The following GDPD5 variants were observed in gnomAD, a reference collection of about 807,000 sequenced individuals.
The protein encoded by GDPD5 is glycerophosphodiester phosphodiesterase 2.
Under a neutral mutation model 75.1 loss-of-function variants are expected in GDPD5, and 48 were observed. The ratio of observed to expected loss-of-function variants is 0.64; its 90% CI spans 0.51 to 0.81. GDPD5 has a LOEUF of 0.81. GDPD5 is among the 40% of genes least tolerant of loss of function. GDPD5 has a pLI of 0.00. For synonymous variants in GDPD5, 336 were observed against 339.0 expected (o/e 0.99, Z 0.10); for missense variants, 706 against 822.6 (o/e 0.86, Z 1.73).
chr11:75,497,308 G>A (rs1189517119), intron 1 of GDPD5, among the ~76,000 whole-genome samples: 2 of 152,110 alleles, frequency 1.3e-5, no homozygotes, highest in Non-Finnish European at 2.9e-5. Flanking sequence ...AACAAAGGTG[G>A]CAGGACGCGT....
chr11:75,484,275 T>C (rs1949977906), intron 2 of GDPD5, among the ~76,000 whole-genome samples: 1 of 152,166 alleles, frequency 6.6e-6, no homozygotes, highest in Non-Finnish European at 1.5e-5. Context: ...ACTTTTTTTG[T>C]TTAAGTGCCC....
chr11:75,445,840 G>A (rs1469588922), intron 9 of GDPD5, among the ~76,000 whole-genome samples: 2 of 152,212 alleles, frequency 1.3e-5, no homozygotes, highest in Non-Finnish European at 2.9e-5. Flanking sequence ...TTCTTTAGCT[G>A]TAAAATGGGC....
chr11:75,441,874 A>T (rs1234126981), intron 12 of GDPD5, 71 bp from the exon 13 acceptor site: 1 of 1,456,508 alleles, frequency 6.9e-7, no homozygotes, highest in African/African-American at 1.4e-5. Context: ...CTCCTCCTAG[A>T]GCACCTGTGG....
At chr11:75,504,124 C>G (rs1404690676) in intron 1 of GDPD5, among the ~76,000 whole-genome samples, 1 of 152,218 alleles carries the variant, frequency 6.6e-6, no homozygotes, top group Admixed American at 6.5e-5. Flanking sequence ...CAGCTGCCCT[C>G]ATGGATGGGT....
intron 4 of GDPD5, 24 bp downstream of exon 4, chr11:75,462,762 C>A (rs774620109): frequency 2.6e-6 from 4 of 1,567,162 alleles, no homozygotes; most frequent in Middle Eastern, 1.7e-4. Context: ...GCCCCTTCCT[C>A]CCCCACCCAC....
Position 75,456,772 on chromosome 11 carries a change from C to A in GDPD5, c.360G>T (p.Leu120=). Residue 120 remains leucine (L), a synonymous_variant, in exon 6 of 17, where the codon CTG becomes CTT. Transcript: ENST00000336898. ...CHIAVGQQMN[L]HWLHKIGLVV... Reference sequence around the variant, plus strand: ...CGGCCCTTACCTTGTGCAGCCAGTGCAGGTTCATCTGCTGCCCCACGGCAA... The same window carrying A: ...CGGCCCTTACCTTGTGCAGCCAGTGAAGGTTCATCTGCTGCCCCACGGCAA... 6.2e-7 allele frequency: 1 copy of A among 1,614,244 alleles called. No homozygotes were observed. Among genetic ancestry groups the A allele is most frequent in the African/African-American group, 1.3e-5 (1 of 75,080 alleles).
intron 6 of GDPD5, 55 bp from the exon 7 acceptor site, chr11:75,450,038 G>T: frequency 6.9e-7 from 1 of 1,456,040 alleles, no homozygotes; most frequent in Non-Finnish European, 9.6e-7. Context: ...AGGGTTCCCA[G>T]TGTGTCTGAG....
intron 1 of GDPD5, among the ~76,000 whole-genome samples, chr11:75,494,731 C>A (rs523617): frequency 6.6e-6 from 1 of 151,548 alleles, no homozygotes; most frequent in Admixed American, 6.6e-5. Context: ...GCAGGCAGAT[C>A]ACCTGAGGTT....
At chr11:75,461,165 T>G (rs1350184505) in intron 4 of GDPD5, among the ~76,000 whole-genome samples, 2 of 152,114 alleles carry the variant, frequency 1.3e-5, no homozygotes, top group Non-Finnish European at 2.9e-5. Context: ...TTTCCCCATC[T>G]GTACATGATG....
rs142001338 is a variant in GDPD5 at position 75,516,992 on chromosome 11, T to C, written c.-145+8218A>G. ...GGTTCTAAGCTAAGGAATCTGGGAGTAGCCAACCCGGAGATCCACTCCTTA... is the reference window on the plus strand; with the variant it reads ...GGTTCTAAGCTAAGGAATCTGGGAGCAGCCAACCCGGAGATCCACTCCTTA... On this transcript the variant is annotated intron_variant, in intron 1 of 16. Transcript: ENST00000336898. Among the ~76,000 whole-genome samples the C allele has an allele frequency of 2.6e-3, 388 of 151,910 alleles. 3 individuals are homozygous for C. The highest frequency in any genetic ancestry group is 8.9e-3 in the African/African-American group (369 of 41,388).
intron 3 of GDPD5, among the ~76,000 whole-genome samples, chr11:75,473,224 G>A (rs960579819): frequency 6.6e-6 from 1 of 151,972 alleles, no homozygotes; most frequent in Non-Finnish European, 1.5e-5. Context: ...TAGAAGGCAG[G>A]CAACTGGGGT....
chr11:75,496,270 C>A (rs1010020320), intron 1 of GDPD5, among the ~76,000 whole-genome samples: 1 of 152,256 alleles, frequency 6.6e-6, no homozygotes, highest in Non-Finnish European at 1.5e-5. Flanking sequence ...CTATTTTCCT[C>A]AGCCCCTGAC....
At chr11:75,447,795 C>T (rs920482441) in intron 9 of GDPD5, among the ~76,000 whole-genome samples, 7 of 152,184 alleles carry the variant, frequency 4.6e-5, no homozygotes, top group African/African-American at 1.4e-4. Context: ...GGCTGGGCTC[C>T]AATTGGTCCT....
In GDPD5 at chr11:75,441,219, C is replaced by T. The variant is rs369648232; in HGVS notation, c.1417G>A (p.Val473Ile). 40 of 1,613,896 alleles carry T rather than the reference C, an allele frequency of 2.5e-5. No individual in the cohort carries two copies. Among genetic ancestry groups the T allele is most frequent in the Middle Eastern group, 1.6e-4 (1 of 6,084 alleles). ...SLLWCAGVPSVTSDNSHALSQ... is the reference protein window; with the variant it reads ...SLLWCAGVPSITSDNSHALSQ... ...AGGGCGTGGGAGTTGTCAGAGGTGA[C>T]GGATGGGACCCCCGCACACCACAGC... Residue 473 changes from valine (V) to isoleucine (I), a missense_variant, in exon 14 of 17, where the codon GTC becomes ATC. Transcript: ENST00000336898.
chr11:75,491,082 A>G (rs1438606147), intron 1 of GDPD5, among the ~76,000 whole-genome samples: 2 of 152,176 alleles, frequency 1.3e-5, no homozygotes, highest in Non-Finnish European at 2.9e-5. Context: ...TGGTGCCAAT[A>G]TAACAACTCT....
chr11:75,496,102 C>G (rs977231908), intron 1 of GDPD5, among the ~76,000 whole-genome samples: 2 of 152,204 alleles, frequency 1.3e-5, no homozygotes, highest in African/African-American at 4.8e-5. Flanking sequence ...TGCAGGGGAG[C>G]CAGGGTGCCC....
intron 2 of GDPD5, among the ~76,000 whole-genome samples, chr11:75,484,887 C>T (rs1308508315): frequency 6.6e-6 from 1 of 152,118 alleles, no homozygotes; most frequent in African/African-American, 2.4e-5. Flanking sequence ...CATAGGCGTC[C>T]CCTCCCCTTG....
At chr11:75,480,904 C>T (rs1949899908) in intron 2 of GDPD5, among the ~76,000 whole-genome samples, 1 of 152,200 alleles carries the variant, frequency 6.6e-6, no homozygotes, top group Non-Finnish European at 1.5e-5. Context: ...CAGCCATGCT[C>T]ATTCATTTAT....
chr11:75,463,175 T>C (rs1209818058), intron 3 of GDPD5, among the ~76,000 whole-genome samples: 1 of 152,226 alleles, frequency 6.6e-6, no homozygotes, highest in Non-Finnish European at 1.5e-5. Context: ...CATCGTGTAC[T>C]GCTCTCCCTA....
Sources: gnomAD v4.1 joint callset for allele counts (sites outside exome capture counted in the v4.1 genomes callset) on GRCh38, gnomAD v4.1.1 for gene constraint, MANE v1.5 for transcripts, NCBI Gene and HGNC (gene_info 2026-07-23, HGNC 2026-07-21) for gene names.